The following STK25 variants were observed in gnomAD, a reference collection of about 807,000 sequenced individuals.
The protein encoded by STK25 is serine/threonine-protein kinase 25.
Under a neutral mutation model 53.8 loss-of-function variants are expected in STK25, and 29 were observed. The ratio of observed to expected loss-of-function variants is 0.54; its 90% confidence interval spans 0.40 to 0.74. The LOEUF is 0.74. Among genes scored for constraint, STK25 ranks in the 30% least tolerant of loss-of-function variants. The probability of loss-of-function intolerance (pLI) is 0.00; values close to 1 mark genes in which losing one functional copy is unlikely to be tolerated. For missense variants in STK25, 420 were observed against 568.0 expected (o/e 0.74, Z 2.65); for synonymous variants, 247 against 238.3 (o/e 1.04, Z -0.33).
chr2:241,495,553 C>T lies in STK25; in HGVS notation c.*109G>A. ...GTGAGGCCCACGGGATCCGACGTGT[C>T]CCTGCAGGCACGACATAGCACAGGG... On this transcript the variant is annotated 3_prime_UTR_variant, in exon 12 of 12. Coordinates refer to ENST00000316586, the MANE Select transcript of STK25 (RefSeq NM_001271977.2). 8.0e-7 allele frequency: 1 copy of T among 1,250,664 alleles called. No individual in the cohort carries two copies. The allele number at this position is 1,250,664 out of a possible 1,614,324, so 77.5% of individuals were successfully genotyped here. A position where few individuals can be genotyped will look rare whatever the true frequency, so the allele number is the denominator to read the frequency against.
At position 241,498,660 on chromosome 2, in the gene STK25, G is replaced by T; in HGVS notation, c.896C>A (p.Ser299Tyr). 1 of 1,613,958 alleles carries T rather than the reference G, an allele frequency of 6.2e-7. No homozygotes were observed. Among genetic ancestry groups the T allele is most frequent in the Non-Finnish European group, 8.5e-7 (1 of 1,179,966 alleles). The change falls in exon 8 of 12, where the codon TCC becomes TAC. Residue 299 changes from serine to tyrosine, a missense_variant. Transcript: ENST00000316586. ...RWKSEGHGEESSSEDSDIDGE... is the reference protein window; with the variant it reads ...RWKSEGHGEEYSSEDSDIDGE... ...CTACATGTCAGAGTCCTCAGAGCTGGACTCCTCGCCATGCCCCTCTGACTT... is the reference window on the plus strand; with the variant it reads ...CTACATGTCAGAGTCCTCAGAGCTGTACTCCTCGCCATGCCCCTCTGACTT...
intron 2 of STK25, among the ~76,000 whole-genome samples, chr2:241,503,767 G>A (rs1356120787): frequency 1.3e-5 from 2 of 151,602 alleles, no homozygotes; most frequent in Non-Finnish European, 2.9e-5. Context: ...GACAGGACAG[G>A]TCCTTGGGTG....
At position 241,498,953 on chromosome 2, in the gene STK25, C is replaced by T. The variant is rs781111799; in HGVS notation, c.771+36G>A. ...CAAGCGAACGCCCTCCCTCCACGTC[C>T]TGTCTAGAAGGGACCGGGCCAGAGG... is the stretch of plus-strand genomic sequence containing the variant. On this transcript the variant is annotated intron_variant, in intron 7 of 11. Coordinates refer to ENST00000316586, the MANE Select transcript of STK25 (RefSeq NM_001271977.2). The T allele has an allele frequency of 2.1e-5, 34 of 1,612,896 alleles. No homozygotes were observed. The East Asian group carries it at 6.7e-4, about 32-fold the overall frequency.
chr2:241,496,177 A>G lies in STK25; in HGVS notation c.1241+221T>C. On this transcript the variant is annotated intron_variant, in intron 11 of 11. Coordinates refer to ENST00000316586, the MANE Select transcript of STK25 (RefSeq NM_001271977.2). The surrounding 1 kb of genome is among the most constrained non-coding windows in gnomAD (Gnocchi z 5.8). ...CTGAGACACTGCCTCAGACCCTTAGACTGGAAAGGCCCTGCCCACTCTCTC... is the reference window on the plus strand; with the variant it reads ...CTGAGACACTGCCTCAGACCCTTAGGCTGGAAAGGCCCTGCCCACTCTCTC... Among the ~76,000 whole-genome samples the G allele has an allele frequency of 6.6e-6, 1 of 152,034 alleles. No homozygotes were observed. The highest frequency in any genetic ancestry group is 1.5e-5 in the Non-Finnish European group (1 of 67,984).
intron 8 of STK25, 27 bp downstream of exon 8, chr2:241,498,612 C>T (rs774385806): frequency 1.2e-6 from 2 of 1,601,148 alleles, no homozygotes; most frequent in East Asian, 4.5e-5. Flanking sequence ...CACCTAGGGT[C>T]ACCATGAGGA....
At chr2:241,507,162 C>G (rs1273418598) in intron 2 of STK25, among the ~76,000 whole-genome samples, 1 of 152,184 alleles carries the variant, frequency 6.6e-6, no homozygotes, top group African/African-American at 2.4e-5. Context: ...AGAATAAAAC[C>G]GAACAGCTAA....
Position 241,494,242 on chromosome 2 carries a change from T to G in STK25, c.*1420A>C. The G allele has an allele frequency of 3.7e-6, 2 of 546,620 alleles. No homozygotes were observed. The highest frequency in any genetic ancestry group is 6.1e-6 in the Non-Finnish European group (2 of 328,756). 33.9% of individuals were successfully genotyped at this position (546,620 alleles called of 1,614,324 possible). A position where few individuals can be genotyped will look rare whatever the true frequency, so the allele number is the denominator to read the frequency against. ...GGCTGTGGTCTCACTGGATCCCCAC[T>G]GGCACCAGCAGTGTGGGTGGGCCTC... is the stretch of plus-strand genomic sequence containing the variant. On this transcript the variant is annotated 3_prime_UTR_variant, in exon 12 of 12. Coordinates refer to ENST00000316586, the MANE Select transcript of STK25 (RefSeq NM_001271977.2). The surrounding 1 kb of genome is among the most constrained non-coding windows in gnomAD (Gnocchi z 4.9).
intron 2 of STK25, among the ~76,000 whole-genome samples, chr2:241,505,528 G>A (rs1039039665): frequency 5.3e-5 from 8 of 152,116 alleles, no homozygotes; most frequent in East Asian, 3.9e-4. Context: ...TGGATGACGC[G>A]TCCTCCCGCC....
Position 241,499,395 on chromosome 2 carries a change from CGA to C in STK25, c.445_446del (p.Ser149GlyfsTer4). On this transcript the variant is annotated frameshift_variant, in exon 6 of 12. Coordinates refer to ENST00000316586, the MANE Select transcript of STK25 (RefSeq NM_001271977.2). LOFTEE classifies it high-confidence loss of function. ...CCGCCAGCTTCACGTCACCCTGCTC[CGA>C]GAGTAGCACGTTGGCAGCTGCTTGA... ...RDIKAANVLL[S>X]EQGDVKLADF... 6.2e-7 allele frequency: 1 copy of C among 1,613,800 alleles called. No homozygotes were observed. The highest frequency in any genetic ancestry group is 8.5e-7 in the Non-Finnish European group (1 of 1,179,918).
At chr2:241,500,147 A>G (rs1210368440) in intron 5 of STK25, 26 bp downstream of exon 5, 3 of 1,591,272 alleles carry the variant, frequency 1.9e-6, no homozygotes, top group Non-Finnish European at 2.6e-6. Flanking sequence ...GGACGTTACA[A>G]GAGCCACATC....
Position 241,498,549 on chromosome 2 carries a change from C to T in STK25, c.917+90G>A, listed in dbSNP as rs924466695. ...GCCCAACACTATATCTGGTCACCCT[C>T]ACCCCCAGGGCCCACGCCCCTGCTT... On this transcript the variant is annotated intron_variant, in intron 8 of 11. Coordinates refer to ENST00000316586, the MANE Select transcript of STK25 (RefSeq NM_001271977.2). 17 of 1,492,648 alleles carry T rather than the reference C, an allele frequency of 1.1e-5. No homozygotes were observed. In the African/African-American group the frequency reaches 2.0e-4, roughly 17 times the overall value. The allele number at this position is 1,492,648 out of a possible 1,614,324, so 92.5% of individuals were successfully genotyped here. A position where few individuals can be genotyped will look rare whatever the true frequency, so the allele number is the denominator to read the frequency against.
Position 241,496,454 on chromosome 2 carries a change from C to T in STK25, c.1185G>A (p.Glu395=). 6.2e-7 allele frequency: 1 copy of T among 1,613,788 alleles called. No individual in the cohort carries two copies. Among genetic ancestry groups the T allele is most frequent in the Non-Finnish European group, 8.5e-7 (1 of 1,179,996 alleles). ...GCTTGTCTGAGATGCCGGGGCAGGA[C>T]TCCTCGGCCAGGCTGAAGGCGTTCT... is the stretch of plus-strand genomic sequence containing the variant. ...ELENAFSLAE[E]SCPGISDKLM... is the part of the protein sequence containing the mutation. The change falls in exon 11 of 12, where the codon GAG becomes GAA. Residue 395 remains glutamate, a synonymous_variant. Coordinates refer to ENST00000316586, the MANE Select transcript of STK25 (RefSeq NM_001271977.2). This position sits in a 1 kb window ranked among gnomAD's most constrained non-coding sequence, Gnocchi z 5.8.
At chr2:241,506,693 G>A (rs2065851868) in intron 2 of STK25, among the ~76,000 whole-genome samples, 1 of 152,144 alleles carries the variant, frequency 6.6e-6, no homozygotes, top group African/African-American at 2.4e-5. Context: ...CTTGTACTTG[G>A]GAGGCAGAGG....
chr2:241,505,850 G>A (rs1243592358), intron 2 of STK25, among the ~76,000 whole-genome samples: 2 of 152,210 alleles, frequency 1.3e-5, no homozygotes. Context: ...TGGCCTGGAG[G>A]CTGCGAATCC....
At position 241,508,514 on chromosome 2, in the gene STK25, C is replaced by T. The variant is rs1044821195; in HGVS notation, c.-172G>A. Reference sequence around the variant, plus strand: ...CCGCGAAGGCTCCCACCCGCAGCCTCTGTTCGCCCGGGGACCCCGGGCCTC... The same window carrying T: ...CCGCGAAGGCTCCCACCCGCAGCCTTTGTTCGCCCGGGGACCCCGGGCCTC... On this transcript the variant is annotated 5_prime_UTR_variant, in exon 1 of 12. Transcript: ENST00000316586. 4.9e-6 allele frequency: 5 copies of T among 1,013,002 alleles called. No homozygotes were observed. Among genetic ancestry groups the T allele is most frequent in the Non-Finnish European group, 4.7e-6 (4 of 845,996 alleles). The allele number at this position is 1,013,002 out of a possible 1,614,324, so 62.8% of individuals were successfully genotyped here. A position where few individuals can be genotyped will look rare whatever the true frequency, so the allele number is the denominator to read the frequency against.
In STK25 at chr2:241,499,141, C is replaced by T. The variant is rs1420940006; in HGVS notation, c.619G>A (p.Glu207Lys). The T allele has an allele frequency of 1.2e-6, 2 of 1,613,582 alleles. No homozygotes were observed. Among genetic ancestry groups the T allele is most frequent in the Non-Finnish European group, 1.7e-6 (2 of 1,179,764 alleles). The change falls in exon 7 of 12, where the codon GAG (glutamate) becomes AAG (lysine). Residue 207 changes from glutamate (E) to lysine (K), a missense_variant. By Grantham distance (56) the Glu-to-Lys change is moderately conservative. Coordinates refer to ENST00000316586, the MANE Select transcript of STK25 (RefSeq NM_001271977.2). ...DIWSLGITAIELAKGEPPNSD... is the reference protein window; with the variant it reads ...DIWSLGITAIKLAKGEPPNSD... ...TTTGGAGGCTCCCCCTTGGCCAGCTCGATGGCTGTGATCCCCAGGGACCAG... is the reference window on the plus strand; with the variant it reads ...TTTGGAGGCTCCCCCTTGGCCAGCTTGATGGCTGTGATCCCCAGGGACCAG...
chr2:241,505,694 G>A (rs1045588147), intron 2 of STK25, among the ~76,000 whole-genome samples: 1 of 152,178 alleles, frequency 6.6e-6, no homozygotes, highest in Non-Finnish European at 1.5e-5. Flanking sequence ...GGACCCCTAA[G>A]CCAGAGCCAG....
At position 241,494,394 on chromosome 2, in the gene STK25, C is replaced by T. The variant is rs1574927902; in HGVS notation, c.*1268G>A. On this transcript the variant is annotated 3_prime_UTR_variant, in exon 12 of 12. Transcript: ENST00000316586. The surrounding 1 kb of genome is among the most constrained non-coding windows in gnomAD (Gnocchi z 4.9). ...CCGCTCAAGCCACAGCTCCCAGGCCCCTGGCTCAAAGACGCAGACAAGGCC... is the reference window on the plus strand; with the variant it reads ...CCGCTCAAGCCACAGCTCCCAGGCCTCTGGCTCAAAGACGCAGACAAGGCC... 3.5e-6 allele frequency: 1 copy of T among 288,244 alleles called. No homozygotes were observed. Among genetic ancestry groups the T allele is most frequent in the East Asian group, 5.7e-5 (1 of 17,658 alleles). The allele number at this position is 288,244 out of a possible 1,614,324, so 17.9% of individuals were successfully genotyped here. A position where few individuals can be genotyped will look rare whatever the true frequency, so the allele number is the denominator to read the frequency against.
At chr2:241,502,170 C>A (rs990452485) in intron 2 of STK25, among the ~76,000 whole-genome samples, 7 of 151,490 alleles carry the variant, frequency 4.6e-5, no homozygotes, top group Middle Eastern at 3.2e-3. Flanking sequence ...ATTAAAAAAA[C>A]AAACAAACAA....
Sources: allele counts gnomAD v4.1 joint callset (sites outside exome capture counted in the v4.1 genomes callset), GRCh38; gene constraint gnomAD v4.1.1; non-coding constraint Gnocchi (gnomAD v3.1); transcripts MANE v1.5; gene names NCBI Gene and HGNC (gene_info 2026-07-23, HGNC 2026-07-21).